Variants in MAPK10 observed in about 807,000 individuals in gnomAD.
MAPK10 encodes JNK3 alpha protein kinase.
Under a neutral mutation model 59.3 loss-of-function variants are expected in MAPK10, and 25 were observed. That is an observed-to-expected ratio of 0.42 (90% confidence interval 0.31 to 0.59). MAPK10 has a LOEUF of 0.59. Ranked by LOEUF, MAPK10 falls within the 20% of genes least tolerant of loss-of-function variation. The pLI, the probability that MAPK10 is intolerant of heterozygous loss-of-function variation, is 0.15. For missense variants in MAPK10, 351 were observed against 568.9 expected (o/e 0.62, Z 3.90); for synonymous variants, 190 against 200.5 (o/e 0.95, Z 0.44).
chr4:86,145,969 A>G (rs112404332), intron 4 of MAPK10, among the ~76,000 whole-genome samples: 34 of 152,340 alleles, frequency 2.2e-4, no homozygotes, highest in African/African-American at 7.9e-4. Flanking sequence ...TCCGTCTAAG[A>G]ACTGGGAAAA....
Position 86,232,008 on chromosome 4 carries a change from C to A in MAPK10, c.-6-37601G>T, listed in dbSNP as rs2091617135. On this transcript the variant is annotated intron_variant, in intron 2 of 13. Transcript: ENST00000641462. ...TCAGTTTAACTGGAATTGGTCTATA[C>A]CAGCGGTCACCAAACCTTGTCTGTA... 2.0e-5 allele frequency among the ~76,000 whole-genome samples: 3 copies of A among 152,162 alleles called. No individual in the cohort carries two copies. The South Asian group carries it at 6.2e-4, about 32-fold the overall frequency.
chr4:86,329,356 T>C lies in MAPK10; in HGVS notation c.-7+25174A>G, dbSNP rs17011696. Among the ~76,000 whole-genome samples, 26 of 152,328 alleles carry C rather than the reference T, an allele frequency of 1.7e-4. No homozygotes were observed. In the Middle Eastern group the frequency reaches 0.01, roughly 60 times the overall value. ...TCTCAGTCAGCTGATTAATTGGTTT[T>C]TAATTCACTGATCTCTTGGTTCTAC... On this transcript the variant is annotated intron_variant, in intron 2 of 13. Coordinates refer to ENST00000641462, the MANE Select transcript of MAPK10 (RefSeq NM_138982.4).
At chr4:86,418,724 T>C (rs1478048459) in intron 1 of MAPK10, among the ~76,000 whole-genome samples, 2 of 152,320 alleles carry the variant, frequency 1.3e-5, no homozygotes, top group East Asian at 1.9e-4. Context: ...TGCACATGCA[T>C]GTTTATAGCA....
At position 86,040,825 on chromosome 4, in the gene MAPK10, CA is replaced by C. The variant is rs568948058; in HGVS notation, c.1111-9395del. On this transcript the variant is annotated intron_variant, in intron 11 of 13. Coordinates refer to ENST00000641462, the MANE Select transcript of MAPK10 (RefSeq NM_138982.4). ...CCAGGAGTGTATGGGACAACATAAT[CA>C]AAATGTTAAAATAAAATAAAAAAAC... 2.5e-4 allele frequency: 38 copies of C among 152,078 alleles called. No homozygotes were observed. In the East Asian group the frequency reaches 7.3e-3, roughly 29 times the overall value. The allele number at this position is 152,078 out of a possible 1,614,324, so 9.4% of individuals were successfully genotyped here.
intron 4 of MAPK10, among the ~76,000 whole-genome samples, chr4:86,140,426 T>G (rs1475396068): frequency 6.8e-6 from 1 of 146,306 alleles, no homozygotes; most frequent in East Asian, 2.0e-4. Flanking sequence ...AGTAAACTAT[T>G]GCGAGGACAA....
chr4:86,388,380 C>T (rs1579026168), intron 1 of MAPK10, among the ~76,000 whole-genome samples: 1 of 152,078 alleles, frequency 6.6e-6, no homozygotes, highest in East Asian at 1.9e-4. Context: ...TCATATAACT[C>T]TAAAATTAAT....
chr4:86,140,311 A>T (rs2149175423), intron 4 of MAPK10, among the ~76,000 whole-genome samples: 3 of 137,192 alleles, frequency 2.2e-5, no homozygotes, highest in Non-Finnish European at 4.6e-5. Context: ...AGACTGGATT[A>T]AGAAAATGTG....
chr4:86,132,774 C>G (rs924244445), intron 4 of MAPK10, among the ~76,000 whole-genome samples: 1 of 152,162 alleles, frequency 6.6e-6, no homozygotes, highest in South Asian at 2.1e-4. Flanking sequence ...GTTGAACACT[C>G]CTTGTGAGGA....
chr4:86,056,833 T>C (rs985672186), intron 11 of MAPK10, among the ~76,000 whole-genome samples: 2 of 149,880 alleles, frequency 1.3e-5, no homozygotes, highest in Non-Finnish European at 3.0e-5. Context: ...GTTTAAAGAT[T>C]GTATACTTTT....
At chr4:86,311,035 T>TACACACACACACACACACAC (rs143712904) in intron 2 of MAPK10, among the ~76,000 whole-genome samples, 27 of 141,964 alleles carry the variant, frequency 1.9e-4, no homozygotes, top group East Asian at 6.2e-4. Context: ...AGTTTTAAGT[T>TACACACACACACACACACAC]ACACACACAC....
intron 9 of MAPK10, among the ~76,000 whole-genome samples, chr4:86,097,279 C>A (rs1431242479): frequency 6.6e-6 from 1 of 151,944 alleles, no homozygotes; most frequent in Non-Finnish European, 1.5e-5. Context: ...TGTCATCACT[C>A]TTACATTACT....
Position 86,067,822 on chromosome 4 carries a change from G to C in MAPK10, c.936C>G (p.Leu312=), listed in dbSNP as rs1222573191. Residue 312 remains leucine (L), a synonymous_variant, in exon 10 of 14, where the codon CTC becomes CTG. Transcript: ENST00000641462. ...PKYAGLTFPK[L]FPDSLFPADS... The stretch of plus-strand genomic sequence containing the variant: ...CCGCTGGGAAGAGGGAATCTGGGAA[G>C]AGTTTGGGGAAGGTGAGTCCCGCAT... 3 of 1,613,950 alleles carry C rather than the reference G, an allele frequency of 1.9e-6. No homozygotes were observed. Among genetic ancestry groups the C allele is most frequent in the Non-Finnish European group, 2.5e-6 (3 of 1,179,904 alleles).
At chr4:86,219,585 T>G (rs1333945952) in intron 2 of MAPK10, among the ~76,000 whole-genome samples, 1 of 152,128 alleles carries the variant, frequency 6.6e-6, no homozygotes, top group Non-Finnish European at 1.5e-5. Flanking sequence ...TTTCTGGAAA[T>G]ATGGAAATAT....
intron 3 of MAPK10, among the ~76,000 whole-genome samples, chr4:86,183,740 G>C (rs1402303355): frequency 2.0e-5 from 3 of 152,168 alleles, no homozygotes; most frequent in Admixed American, 6.6e-5. Flanking sequence ...GGCTGAACTA[G>C]TTTACAATCC....
chr4:86,063,298 A>C (rs1166781101), intron 11 of MAPK10, among the ~76,000 whole-genome samples: 9 of 152,238 alleles, frequency 5.9e-5, no homozygotes, highest in Non-Finnish European at 1.0e-4. Flanking sequence ...AGAAAACTGA[A>C]AGAAAGTGAA....
chr4:86,441,544 A>G (rs1258412462), intron 1 of MAPK10, among the ~76,000 whole-genome samples: 1 of 152,264 alleles, frequency 6.6e-6, no homozygotes, highest in Non-Finnish European at 1.5e-5. Context: ...AAAATAGTTC[A>G]TATGACTGTG....
At chr4:86,197,742 T>C (rs2081675419) in intron 2 of MAPK10, among the ~76,000 whole-genome samples, 1 of 152,142 alleles carries the variant, frequency 6.6e-6, no homozygotes, top group Non-Finnish European at 1.5e-5. Flanking sequence ...TCTGCAGGTT[T>C]TTTAAATTTA....
chr4:86,242,340 G>A (rs916995284), intron 2 of MAPK10, among the ~76,000 whole-genome samples: 15 of 152,216 alleles, frequency 9.9e-5, no homozygotes, highest in South Asian at 8.3e-4. Flanking sequence ...TGGGCGGCAC[G>A]GGGAGCAGGA....
At chr4:86,533,249 G>A (rs551927661) in intron 1 of MAPK10, among the ~76,000 whole-genome samples, 1 of 152,136 alleles carries the variant, frequency 6.6e-6, no homozygotes, top group Non-Finnish European at 1.5e-5. Context: ...GGGGTAAAAG[G>A]GGGGGAAAAT....
Sources: gnomAD v4.1 joint callset for allele counts (sites outside exome capture counted in the v4.1 genomes callset) on GRCh38, gnomAD v4.1.1 for gene constraint, MANE v1.5 for transcripts, NCBI Gene and HGNC (gene_info 2026-07-23, HGNC 2026-07-21) for gene names.